MTHFD1L: variants seen among roughly 807,000 people sequenced by gnomAD.
MTHFD1L encodes the protein monofunctional C1-tetrahydrofolate synthase, mitochondrial.
A neutral mutation model predicts 119.5 loss-of-function variants in MTHFD1L; 81 were observed. The observed-to-expected ratio is 0.68, with a 90% confidence interval of 0.57 to 0.82. The LOEUF (loss-of-function observed/expected upper bound fraction) is 0.82, where lower values mean the gene tolerates loss of function less well. Ranked by LOEUF, MTHFD1L falls within the 40% of genes least tolerant of loss-of-function variation. The pLI is 0.00. For synonymous variants in MTHFD1L, 430 were observed against 475.2 expected, an observed-to-expected ratio of 0.90 and a Z score of 1.24; for missense variants, 1,125 against 1,253.4, an observed-to-expected ratio of 0.90 and a Z score of 1.55.
At chr6:150,951,069 T>G (rs768784413) in intron 16 of MTHFD1L, among the ~76,000 whole-genome samples, 81 of 147,674 alleles carry the variant, frequency 5.5e-4, no homozygotes, top group Non-Finnish European at 9.8e-4. Flanking sequence ...CAGGGCCTCA[T>G]TCTGTCACCC....
rs7741463 is a variant in MTHFD1L, at chr6:150,870,520, G to A, written c.227+4471G>A. The stretch of plus-strand genomic sequence containing the variant: ...AATAAGGGGAATATCGCAGTAAAAC[G>A]AGTCACACAAATTTTGTAGTTTCCC... On this transcript the variant is annotated intron_variant, in intron 1 of 27. Coordinates refer to ENST00000367321, the MANE Select transcript of MTHFD1L (RefSeq NM_015440.5). 3.6e-3 allele frequency among the ~76,000 whole-genome samples: 544 copies of A among 152,144 alleles called. 6 individuals carry two copies. The highest frequency in any genetic ancestry group is 0.012 in the African/African-American group (515 of 41,518).
chr6:150,913,233 T>C (rs1787244836), intron 8 of MTHFD1L, among the ~76,000 whole-genome samples: 1 of 151,758 alleles, frequency 6.6e-6, no homozygotes, highest in African/African-American at 2.4e-5. Context: ...TGAGCTCGGC[T>C]CACTGCAAGC....
chr6:150,983,675 A>G (rs1195083916), intron 20 of MTHFD1L, among the ~76,000 whole-genome samples: 2 of 152,206 alleles, frequency 1.3e-5, no homozygotes, highest in African/African-American at 4.8e-5. Context: ...CTACTTCCTA[A>G]GTCAATCCTA....
At chr6:151,018,680 G>T (rs1173211200) in intron 24 of MTHFD1L, among the ~76,000 whole-genome samples, 3 of 152,126 alleles carry the variant, frequency 2.0e-5, no homozygotes, top group Non-Finnish European at 4.4e-5. Flanking sequence ...TTGGAGGTCT[G>T]GGGGGAGACA....
chr6:151,086,267 T>TGTGTCTCTCTCTCCCCTC (rs1793792242), intron 26 of MTHFD1L, among the ~76,000 whole-genome samples: 1 of 152,160 alleles, frequency 6.6e-6, no homozygotes, highest in African/African-American at 2.4e-5. Context: ...TTATATAGTG[T>TGTGTCTCTCTCTCCCCTC]GTGTCTCTCT....
intron 5 of MTHFD1L, among the ~76,000 whole-genome samples, chr6:150,883,706 T>C (rs1781745308): frequency 6.6e-6 from 1 of 152,160 alleles, no homozygotes; most frequent in African/African-American, 2.4e-5. Flanking sequence ...TGGAGTGACA[T>C]AAGCTTCATA....
intron 20 of MTHFD1L, among the ~76,000 whole-genome samples, chr6:150,976,223 G>A (rs997159538): frequency 6.6e-6 from 1 of 152,086 alleles, no homozygotes; most frequent in African/African-American, 2.4e-5. Context: ...TAAGGGGGAA[G>A]CAGCTTCGCA....
chr6:150,925,474 T>G (rs1257627985), intron 10 of MTHFD1L, among the ~76,000 whole-genome samples: 1 of 152,140 alleles, frequency 6.6e-6, no homozygotes, highest in East Asian at 1.9e-4. Context: ...ACGTGCCCAA[T>G]GACTCTCTGG....
At position 150,923,544 on chromosome 6, in the gene MTHFD1L, C is replaced by CTTTT. The variant is rs61415562; in HGVS notation, c.1082+1259_1082+1262dup. Among the ~76,000 whole-genome samples, 68 of 53,240 alleles carry CTTTT rather than the reference C, an allele frequency of 1.3e-3. 3 individuals are homozygous for CTTTT. The highest frequency in any genetic ancestry group is 3.6e-3 in the African/African-American group (61 of 16,810). 34.9% of individuals were successfully genotyped at this position (53,240 alleles called of 152,430 possible). ...TTATTTATTTATTTATTTATTTTTT[C>CTTTT]TTTTTTTTTTTTTTTTTTTTGAGAC... On this transcript the variant is annotated intron_variant, in intron 10 of 27. Transcript: ENST00000367321.
chr6:150,929,281 G>T (rs17080500), intron 11 of MTHFD1L, among the ~76,000 whole-genome samples: 1 of 152,174 alleles, frequency 6.6e-6, no homozygotes, highest in Non-Finnish European at 1.5e-5. Context: ...TGTGAAATTG[G>T]TTCCTTTCTT....
In MTHFD1L at chr6:150,896,234, T is replaced by G. The variant is rs563688883; in HGVS notation, c.780+8253T>G. Among the ~76,000 whole-genome samples the G allele has an allele frequency of 4.8e-4, 73 of 152,308 alleles. 1 individual carries two copies. The South Asian group carries it at 0.015, about 30-fold the overall frequency. ...ATAAGAGAGACCAAGACCCTAGACA[T>G]TCGACTTGTGTTGAATTCACTCTTA... On this transcript the variant is annotated intron_variant, in intron 7 of 27. Transcript: ENST00000367321.
At chr6:151,081,503 A>T (rs1793165291) in intron 26 of MTHFD1L, among the ~76,000 whole-genome samples, 2 of 56,000 alleles carry the variant, frequency 3.6e-5, no homozygotes, top group African/African-American at 8.1e-5. Context: ...AAATGCAAAA[A>T]AAAAAAAAAA....
Position 151,015,698 on chromosome 6 carries a change from G to T in MTHFD1L, c.2586+5G>T. The T allele has an allele frequency of 6.2e-7, 1 of 1,612,562 alleles. No individual in the cohort carries two copies. ...CAGTTCCTGTATGATGTTCAGGTAA[G>T]ATCTAGTAAAAACAATGGCTCACAT... On this transcript the variant is annotated splice_donor_5th_base_variant and intron_variant, in intron 24 of 27. Coordinates refer to ENST00000367321, the MANE Select transcript of MTHFD1L (RefSeq NM_015440.5).
chr6:150,963,489 T>C (rs1583829657), intron 18 of MTHFD1L, among the ~76,000 whole-genome samples: 1 of 145,220 alleles, frequency 6.9e-6, no homozygotes, highest in East Asian at 2.0e-4. Flanking sequence ...TACATACAGT[T>C]TTATCTGTCA....
In MTHFD1L at chr6:150,889,779, G is replaced by A. The variant is rs150403912; in HGVS notation, c.780+1798G>A. The stretch of plus-strand genomic sequence containing the variant: ...CTATGGGAATTCATATATTGCTGGC[G>A]GGAGTTTAAATTTGAAATAGGCATT... On this transcript the variant is annotated intron_variant, in intron 7 of 27. Coordinates refer to ENST00000367321, the MANE Select transcript of MTHFD1L (RefSeq NM_015440.5). 2.8e-3 allele frequency among the ~76,000 whole-genome samples: 422 copies of A among 152,296 alleles called. 2 individuals are homozygous for A. Among genetic ancestry groups the A allele is most frequent in the African/African-American group, 9.6e-3 (401 of 41,556 alleles).
rs202112675 is a variant in MTHFD1L at position 151,035,316 on chromosome 6, G to A, written c.2694+716G>A. ...GTGTCCCTCCTACTTTGGTGTAGTC[G>A]GATAGATAGCAGTCAGAACACTTTA... is the stretch of plus-strand genomic sequence containing the variant. On this transcript the variant is annotated intron_variant, in intron 25 of 27. Coordinates refer to ENST00000367321, the MANE Select transcript of MTHFD1L (RefSeq NM_015440.5). Among the ~76,000 whole-genome samples the A allele has an allele frequency of 5.3e-5, 8 of 152,250 alleles. No homozygotes were observed. In the East Asian group the frequency reaches 1.5e-3, roughly 29 times the overall value.
intron 26 of MTHFD1L, among the ~76,000 whole-genome samples, chr6:151,069,251 T>TCTCTCTCTCTCTCTCTCTC (rs1791671966): frequency 7.3e-6 from 1 of 136,592 alleles, no homozygotes; most frequent in African/African-American, 2.8e-5. Flanking sequence ...TTCTCTCTCT[T>TCTCTCTCTCTCTCTCTCTC]TCTCTCTCTC....
chr6:150,973,747 G>A (rs543518616), intron 20 of MTHFD1L, among the ~76,000 whole-genome samples: 3 of 152,282 alleles, frequency 2.0e-5, no homozygotes, highest in Non-Finnish European at 2.9e-5. Flanking sequence ...TAGCCTCTCT[G>A]GGTGTGTCCC....
At chr6:150,871,886 A>ATTTTTTTTTTTTTTTTTTT (rs985548250) in intron 1 of MTHFD1L, among the ~76,000 whole-genome samples, 2 of 147,532 alleles carry the variant, frequency 1.4e-5, no homozygotes, top group African/African-American at 5.0e-5. Context: ...ATTTTATTTT[A>ATTTTTTTTTTTTTTTTTTT]TTTTATTTTT....
Sources: gnomAD v4.1 joint callset for allele counts (sites outside exome capture counted in the v4.1 genomes callset) on GRCh38, gnomAD v4.1.1 for gene constraint, MANE v1.5 for transcripts, NCBI Gene and HGNC (gene_info 2026-07-23, HGNC 2026-07-21) for gene names.